The following C1D variants were observed in gnomAD, a reference collection of about 807,000 sequenced individuals.
The protein encoded by C1D is nuclear nucleic acid-binding protein C1D.
C1D carries 10 observed loss-of-function variants against 17.5 expected under a neutral mutation model. That is an observed-to-expected ratio of 0.57 (90% confidence interval 0.35 to 0.97). C1D has a LOEUF of 0.97. Among genes scored for constraint, C1D ranks in the 50% least tolerant of loss-of-function variants. The pLI is 0.01. For synonymous variants in C1D, 49 were observed against 54.0 expected (o/e 0.91, Z 0.40); for missense variants, 136 against 160.1 (o/e 0.85, Z 0.81).
intron 1 of C1D, among the ~76,000 whole-genome samples, chr2:68,055,102 A>G (rs1055941039): frequency 3.9e-5 from 6 of 152,188 alleles, no homozygotes; most frequent in Non-Finnish European, 5.9e-5. Context: ...ACAGAACTAG[A>G]CTTCAAATTC....
At chr2:68,056,890 G>C (rs556650193) in intron 1 of C1D, among the ~76,000 whole-genome samples, 2 of 152,282 alleles carry the variant, frequency 1.3e-5, no homozygotes, top group South Asian at 4.1e-4. Flanking sequence ...CACATGCTTT[G>C]ACCTAGCAAT....
Position 68,042,185 on chromosome 2 carries a change from A to G in C1D, c.*704T>C, listed in dbSNP as rs1038046762. The G allele has an allele frequency of 3.9e-5, 6 of 152,350 alleles. No individual in the cohort carries two copies. The highest frequency in any genetic ancestry group is 1.4e-4 in the African/African-American group (6 of 41,470). The allele number at this position is 152,350 out of a possible 1,614,324, so 9.4% of individuals were successfully genotyped here. A position where few individuals can be genotyped will look rare whatever the true frequency, so the allele number is the denominator to read the frequency against. ...TTTGGAAGGCAAATTTACTCAAAAG[A>G]TAAAAATACACAGGTCAGTTATACA... On this transcript the variant is annotated 3_prime_UTR_variant, in exon 5 of 5. Transcript: ENST00000410067.
chr2:68,061,626 G>A (rs1338395896), intron 1 of C1D, among the ~76,000 whole-genome samples: 2 of 152,084 alleles, frequency 1.3e-5, no homozygotes, highest in South Asian at 2.1e-4. Context: ...AAATAAACTA[G>A]ATAAAAGCCA....
intron 1 of C1D, among the ~76,000 whole-genome samples, chr2:68,061,678 T>G (rs914560766): frequency 6.6e-6 from 1 of 152,214 alleles, no homozygotes; most frequent in African/African-American, 2.4e-5. Flanking sequence ...ATACATTAGA[T>G]AGTATTTTAC....
chr2:68,054,552 C>T (rs1671382482), intron 1 of C1D, among the ~76,000 whole-genome samples: 1 of 152,146 alleles, frequency 6.6e-6, no homozygotes. Context: ...AATAATCTCC[C>T]TTACTTAATT....
chr2:68,060,919 C>T (rs920726499), intron 1 of C1D, among the ~76,000 whole-genome samples: 5 of 152,088 alleles, frequency 3.3e-5, no homozygotes, highest in African/African-American at 1.2e-4. Context: ...TGTTTACTAA[C>T]TAAAACCAAT....
intron 4 of C1D, among the ~76,000 whole-genome samples, chr2:68,044,578 G>A (rs1341196948): frequency 6.6e-6 from 1 of 152,140 alleles, no homozygotes; most frequent in African/African-American, 2.4e-5. Flanking sequence ...CGTGGTGGCA[G>A]GCGCCTGTAA....
intron 4 of C1D, among the ~76,000 whole-genome samples, chr2:68,043,721 A>G (rs189912844): frequency 4.1e-4 from 63 of 152,356 alleles, no homozygotes; most frequent in African/African-American, 1.4e-3. Flanking sequence ...GCTTCAAATG[A>G]AGAAATAAAG....
Position 68,043,037 on chromosome 2 carries a change from T to G in C1D, c.278A>C (p.Tyr93Ser). 1 of 1,596,146 alleles carries G rather than the reference T, an allele frequency of 6.3e-7. No homozygotes were observed. Reference protein sequence around the residue: ...VKQELERIRVYMNRVKEITDK... With the variant: ...VKQELERIRVSMNRVKEITDK... ...TGTTATTTCCTTGACTCTGTTCATA[T>G]ATACTCTGATTCTTTCCTTAAAGAT... Residue 93 changes from tyrosine to serine, a missense_variant, in exon 5 of 5, where the codon TAT becomes TCT. Tyr to Ser is a moderately radical substitution (Grantham distance 144). Transcript: ENST00000410067.
intron 1 of C1D, among the ~76,000 whole-genome samples, chr2:68,049,130 G>A (rs1671212109): frequency 6.6e-6 from 1 of 151,704 alleles, no homozygotes; most frequent in African/African-American, 2.4e-5. Context: ...CTGGGAGGTG[G>A]AGGTTGCAGT....
chr2:68,045,625 A>C (rs1671097523), intron 4 of C1D, among the ~76,000 whole-genome samples: 1 of 152,172 alleles, frequency 6.6e-6, no homozygotes, highest in Non-Finnish European at 1.5e-5. Context: ...GGGAGGGAGA[A>C]ACTTTCCCGT....
At chr2:68,043,182 G>T (rs1671020020) in intron 4 of C1D, 129 bp from the exon 5 acceptor site, 2 of 662,218 alleles carry the variant, frequency 3.0e-6, no homozygotes, top group African/African-American at 1.9e-5. Context: ...ATGGTGCTAG[G>T]AAATGCAAAT....
rs1413369673 is a variant in C1D at position 68,047,182 on chromosome 2, C to A, written c.129G>T (p.Leu43Phe). The A allele has an allele frequency of 6.2e-7, 1 of 1,601,482 alleles. No homozygotes were observed. The change falls in exon 2 of 5, where the codon TTG becomes TTT. Residue 43 changes from leucine to phenylalanine, a missense_variant. Coordinates refer to ENST00000410067, the MANE Select transcript of C1D (RefSeq NM_173177.3). ...KTMMSVSRNELLQKLDPLEQA... is the reference protein window; with the variant it reads ...KTMMSVSRNEFLQKLDPLEQA... ...TACATTTTTAAAATACCTTCTGCAA[C>A]AACTCATTTCTAGAAACAGACATCA...
intron 1 of C1D, among the ~76,000 whole-genome samples, chr2:68,050,611 T>TCG (rs1403824036): frequency 6.6e-6 from 1 of 152,162 alleles, no homozygotes; most frequent in African/African-American, 2.4e-5. Flanking sequence ...CTTGGTCTCT[T>TCG]CGATGCATCC....
intron 1 of C1D, among the ~76,000 whole-genome samples, chr2:68,051,869 C>T (rs1045256434): frequency 6.6e-6 from 1 of 152,010 alleles, no homozygotes; most frequent in African/African-American, 2.4e-5. Flanking sequence ...ACCTTACATT[C>T]CTCAATATCA....
At chr2:68,053,653 A>T (rs1671349982) in intron 1 of C1D, among the ~76,000 whole-genome samples, 1 of 152,228 alleles carries the variant, frequency 6.6e-6, no homozygotes, top group Admixed American at 6.5e-5. Context: ...CATGGAAGAC[A>T]GTTCCAAACC....
Position 68,042,929 on chromosome 2 carries a change from T to C in C1D, c.386A>G (p.Asn129Ser). Residue 129 changes from asparagine to serine, a missense_variant, in exon 5 of 5, where the codon AAT becomes AGT. Coordinates refer to ENST00000410067, the MANE Select transcript of C1D (RefSeq NM_173177.3). ...TCCTTTATTGGCAACTTTTGATGCA[T>C]TTTTCGATTTTGGTTCCCAGAGGGC... ...KNALWEPKSK[N>S]ASKVANKGKS... 6.2e-7 allele frequency: 1 copy of C among 1,606,506 alleles called. No individual in the cohort carries two copies. Among genetic ancestry groups the C allele is most frequent in the Non-Finnish European group, 8.5e-7 (1 of 1,175,922 alleles).
At chr2:68,044,322 A>G (rs1022550820) in intron 4 of C1D, among the ~76,000 whole-genome samples, 3 of 152,252 alleles carry the variant, frequency 2.0e-5, no homozygotes, top group Non-Finnish European at 4.4e-5. Context: ...AAGCACTCAA[A>G]TATCTGTTGA....
rs551493367 is a variant in C1D, at chr2:68,044,569, G to A, written c.261+1419C>T. Among the ~76,000 whole-genome samples the A allele has an allele frequency of 4.7e-4, 71 of 152,232 alleles. 1 individual carries two copies. Among genetic ancestry groups the A allele is most frequent in the African/African-American group, 1.6e-3 (67 of 41,540 alleles). On this transcript the variant is annotated intron_variant, in intron 4 of 4. Coordinates refer to ENST00000410067, the MANE Select transcript of C1D (RefSeq NM_173177.3). ...TGAAAATACAAAAAATTAGCTGGGC[G>A]TGGTGGCAGGCGCCTGTAATTCCAG...
Sources: gnomAD v4.1 joint callset for allele counts (sites outside exome capture counted in the v4.1 genomes callset) on GRCh38, gnomAD v4.1.1 for gene constraint, MANE v1.5 for transcripts, NCBI Gene and HGNC (gene_info 2026-07-23, HGNC 2026-07-21) for gene names.